The following UNC13C variants were observed in gnomAD, a reference collection of about 807,000 sequenced individuals.
The protein encoded by UNC13C is protein unc-13 homolog C.
Under a neutral mutation model 245.4 loss-of-function variants are expected in UNC13C, and 174 were observed. The observed-to-expected ratio is 0.71, with a 90% CI of 0.63 to 0.80. UNC13C has a LOEUF of 0.80. Ranked by LOEUF, UNC13C falls within the 30% of genes least tolerant of loss-of-function variation. The probability of loss-of-function intolerance (pLI) is 0.00; values close to 1 mark genes in which losing one functional copy is unlikely to be tolerated. For synonymous variants in UNC13C, 992 were observed against 895.1 expected (o/e 1.11, Z -1.93); for missense variants, 2,829 against 2,602.9 (o/e 1.09, Z -1.89).
At chr15:54,417,065 G>A (rs1166230960) in intron 19 of UNC13C, 1 of 423,974 alleles carries the variant, frequency 2.4e-6, no homozygotes, top group Non-Finnish European at 4.7e-6. Context: ...TTAATCTGCT[G>A]CGTAACAACT....
At chr15:54,050,738 G>C (rs946604267) in intron 2 of UNC13C, 2 of 574,020 alleles carry the variant, frequency 3.5e-6, no homozygotes, top group Admixed American at 3.8e-5. Flanking sequence ...TATTTGAGTT[G>C]TTCCACTAGT....
rs115276684 is a variant in UNC13C, at chr15:54,461,524, A to C, written c.4934-33084A>C. ...GATTTATATATGTGTGATGTTCTTT[A>C]ATCTCCATGGTCTTCATTTTAATAT... On this transcript the variant is annotated intron_variant, in intron 19 of 32. Transcript: ENST00000260323. Among the ~76,000 whole-genome samples the C allele has an allele frequency of 4.3e-3, 652 of 152,318 alleles. 4 individuals are homozygous for C. The highest frequency in any genetic ancestry group is 0.015 in the African/African-American group (623 of 41,568).
At position 54,628,096 on chromosome 15, in the gene UNC13C, C is replaced by A. The variant is rs148343113; in HGVS notation, c.*983C>A. ...TAGTGAAAAAATAGTAAAATTAAGT[C>A]GGAAGAAATTGCTTAAAATTTTGTA... On this transcript the variant is annotated 3_prime_UTR_variant, in exon 33 of 33. Transcript: ENST00000260323. 1 of 151,950 alleles carries A rather than the reference C, an allele frequency of 6.6e-6. No individual in the cohort carries two copies. Among genetic ancestry groups the A allele is most frequent in the Non-Finnish European group, 1.5e-5 (1 of 67,968 alleles). The allele number at this position is 151,950 out of a possible 1,614,324, so 9.4% of individuals were successfully genotyped here.
At chr15:54,540,869 A>G (rs74014207) in intron 26 of UNC13C, among the ~76,000 whole-genome samples, 13,360 of 152,154 alleles carry the variant, frequency 0.088, 1,566 homozygotes, top group African/African-American at 0.27. Context: ...ATTAATTCTT[A>G]GACTTGGATC....
At chr15:54,334,559 A>AT (rs922599441) in intron 16 of UNC13C, among the ~76,000 whole-genome samples, 3 of 152,124 alleles carry the variant, frequency 2.0e-5, no homozygotes, top group East Asian at 3.9e-4. Flanking sequence ...TTTGCCCATA[A>AT]TTTTTTTCAC....
At chr15:53,851,311 T>A in the UNC13C span, among the ~76,000 whole-genome samples, 2 of 152,150 alleles carry the variant, frequency 1.3e-5, no homozygotes, top group Non-Finnish European at 2.9e-5. Context: ...GACAGTGAGG[T>A]TAACTCATTA....
At chr15:54,262,294 C>G (rs890861798) in intron 8 of UNC13C, among the ~76,000 whole-genome samples, 1 of 152,160 alleles carries the variant, frequency 6.6e-6, no homozygotes, top group African/African-American at 2.4e-5. Flanking sequence ...ATAAGAATAG[C>G]TGTTTGGAAA....
the UNC13C span, among the ~76,000 whole-genome samples, chr15:53,925,951 T>C: frequency 1.3e-5 from 2 of 152,204 alleles, no homozygotes; most frequent in Non-Finnish European, 2.9e-5. Context: ...CTTTGTTCCC[T>C]TGAAGAGCAA....
rs1421435049 is a variant in UNC13C at position 54,012,808 on chromosome 15, ACTT to A, written c.-93_-91del. On this transcript the variant is annotated 5_prime_UTR_variant, in exon 2 of 33. The change creates a premature stop within an existing upstream ORF in the 5' untranslated region. Coordinates refer to ENST00000260323, the MANE Select transcript of UNC13C (RefSeq NM_001080534.3). ...CCTGCTCTTTCCAGTGATTCACAGA[ACTT>A]CTGAACAGTGATGCTTGCCTTGGAT... The A allele has an allele frequency of 1.0e-6, 1 of 967,268 alleles. No individual in the cohort carries two copies. Among genetic ancestry groups the A allele is most frequent in the East Asian group, 2.4e-5 (1 of 41,122 alleles). The allele number at this position is 967,268 out of a possible 1,614,324, so 59.9% of individuals were successfully genotyped here. A position where few individuals can be genotyped will look rare whatever the true frequency, so the allele number is the denominator to read the frequency against.
At chr15:54,272,573 G>A (rs1050954941) in intron 10 of UNC13C, among the ~76,000 whole-genome samples, 3 of 152,098 alleles carry the variant, frequency 2.0e-5, no homozygotes, top group Non-Finnish European at 4.4e-5. Context: ...AGTTTCTAAA[G>A]CAAGGAGTTT....
chr15:54,519,039 G>A (rs1037513630), intron 24 of UNC13C, among the ~76,000 whole-genome samples: 1 of 152,070 alleles, frequency 6.6e-6, no homozygotes, highest in Non-Finnish European at 1.5e-5. Flanking sequence ...TTCTAAGAAT[G>A]CAGCTCTTCA....
Position 54,605,668 on chromosome 15 carries a change from G to T in UNC13C, c.6107-16659G>T, listed in dbSNP as rs570661946. Among the ~76,000 whole-genome samples, 14 of 152,282 alleles carry T rather than the reference G, an allele frequency of 9.2e-5. No individual in the cohort carries two copies. In the East Asian group the frequency reaches 1.2e-3, roughly 13 times the overall value. On this transcript the variant is annotated intron_variant, in intron 30 of 32. Coordinates refer to ENST00000260323, the MANE Select transcript of UNC13C (RefSeq NM_001080534.3). ...GGAATCATCCTAACCAAGTTTTAAT[G>T]CTTGAAATGCAGGTGCCCAGTGAAT...
chr15:54,248,040 T>C lies in UNC13C; in HGVS notation c.3229-2185T>C, dbSNP rs553051027. Among the ~76,000 whole-genome samples the C allele has an allele frequency of 1.4e-4, 21 of 152,278 alleles. No individual in the cohort carries two copies. In the East Asian group the frequency reaches 3.5e-3, roughly 25 times the overall value. ...GAATTAGATCATATATATTAATCAT[T>C]TACTTAATCTTGAAATATGTGAATA... On this transcript the variant is annotated intron_variant, in intron 7 of 32. Coordinates refer to ENST00000260323, the MANE Select transcript of UNC13C (RefSeq NM_001080534.3).
At chr15:54,507,358 T>C (rs149042525) in intron 23 of UNC13C, among the ~76,000 whole-genome samples, 164 bp downstream of exon 23, 22 of 152,200 alleles carry the variant, frequency 1.4e-4, no homozygotes, top group African/African-American at 5.1e-4. Context: ...TGAACTGGTT[T>C]TAATACAGGA....
At chr15:54,618,849 G>C (rs544308331) in intron 30 of UNC13C, among the ~76,000 whole-genome samples, 1 of 152,224 alleles carries the variant, frequency 6.6e-6, no homozygotes, top group South Asian at 2.1e-4. Flanking sequence ...ACTGTGCAAA[G>C]TAATCTGGAT....
At chr15:54,466,452 G>A (rs1360047658) in intron 19 of UNC13C, among the ~76,000 whole-genome samples, 1 of 151,834 alleles carries the variant, frequency 6.6e-6, no homozygotes, top group Non-Finnish European at 1.5e-5. Flanking sequence ...AATGTCTACA[G>A]CTATTAGACA....
the UNC13C span, among the ~76,000 whole-genome samples, chr15:53,886,104 T>A: frequency 6.6e-6 from 1 of 152,318 alleles, no homozygotes; most frequent in Non-Finnish European, 1.5e-5. Context: ...CATGTTTAGA[T>A]GGTTACATAC....
At chr15:54,134,272 G>GTTTTT (rs5812742) in intron 2 of UNC13C, among the ~76,000 whole-genome samples, 1 of 146,686 alleles carries the variant, frequency 6.8e-6, no homozygotes, top group African/African-American at 2.5e-5. Flanking sequence ...TATGAGTTCA[G>GTTTTT]TTTTTTTTTT....
chr15:53,906,729 A>C, the UNC13C span, among the ~76,000 whole-genome samples: 1 of 152,204 alleles, frequency 6.6e-6, no homozygotes, highest in Non-Finnish European at 1.5e-5. Context: ...ACTGCTATAA[A>C]GATACTACCC....
Sources: allele counts gnomAD v4.1 joint callset (sites outside exome capture counted in the v4.1 genomes callset), GRCh38; gene constraint gnomAD v4.1.1; transcripts MANE v1.5; gene names NCBI Gene and HGNC (gene_info 2026-07-23, HGNC 2026-07-21).